The following PTAFR variants were observed in gnomAD, a reference collection of about 807,000 sequenced individuals.
PTAFR encodes platelet-activating factor receptor.
Under a neutral mutation model 14.7 loss-of-function variants are expected in PTAFR, and 8 were observed. The observed-to-expected ratio is 0.54, with a 90% confidence interval of 0.32 to 0.98. The LOEUF (loss-of-function observed/expected upper bound fraction) is 0.98. PTAFR is among the 50% of genes least tolerant of loss of function. PTAFR has a pLI of 0.04. For synonymous variants in PTAFR, 156 were observed against 176.5 expected (o/e 0.88, Z 0.92); for missense variants, 337 against 451.2 (o/e 0.75, Z 2.29).
At chr1:28,167,637 T>TA (rs1646400749) in intron 1 of PTAFR, among the ~76,000 whole-genome samples, 1 of 125,126 alleles carries the variant, frequency 8.0e-6, no homozygotes, top group African/African-American at 3.3e-5. Flanking sequence ...AACGGGATTT[T>TA]TTTTTTTTTT....
chr1:28,181,612 C>T (rs1259690171), upstream of PTAFR, among the ~76,000 whole-genome samples: 1 of 152,058 alleles, frequency 6.6e-6, no homozygotes, highest in Non-Finnish European at 1.5e-5. Context: ...CATAGTGGTG[C>T]ATGCCTGTAA....
Position 28,147,907 on chromosome 1 carries a change from G to A in PTAFR, c.*2086C>T, listed in dbSNP as rs1484436651. The A allele has an allele frequency of 1.3e-5, 2 of 152,300 alleles. No homozygotes were observed. The highest frequency in any genetic ancestry group is 2.9e-5 in the Non-Finnish European group (2 of 68,096). The allele number at this position is 152,300 out of a possible 1,614,324, so 9.4% of individuals were successfully genotyped here. A position where few individuals can be genotyped will look rare whatever the true frequency, so the allele number is the denominator to read the frequency against. ...ATGACACAGCCAAGACTTGAACCAG[G>A]CTTGTGTGATGCTGCACTAGCCACC... is the stretch of plus-strand genomic sequence containing the variant. On this transcript the variant is annotated 3_prime_UTR_variant, in exon 2 of 2. Coordinates refer to ENST00000373857, the MANE Select transcript of PTAFR (RefSeq NM_000952.5).
intron 1 of PTAFR, among the ~76,000 whole-genome samples, chr1:28,193,530 G>GA (rs1646673765): frequency 6.6e-6 from 1 of 152,020 alleles, no homozygotes; most frequent in Admixed American, 6.6e-5. Context: ...CCTGAGGGGT[G>GA]AGAGGATTGT....
In PTAFR at chr1:28,150,532, T is replaced by C. The variant is rs2148992014; in HGVS notation, c.490A>G (p.Ser164Gly). 1 of 1,614,212 alleles carries C rather than the reference T, an allele frequency of 6.2e-7. No individual in the cohort carries two copies. The highest frequency in any genetic ancestry group is 8.5e-7 in the Non-Finnish European group (1 of 1,180,038). The part of the protein sequence containing the change: ...ILDSTNTVPD[S>G]AGSGNVTRCF... ...CGAGTGACGTTGCCTGAGCCAGCAC[T>C]GTCGGGCACTGTGTTGGTGGAGTCC... Residue 164 changes from serine to glycine, a missense_variant, in exon 2 of 2, where the codon AGT becomes GGT. Ser to Gly is a moderately conservative substitution (Grantham distance 56). Coordinates refer to ENST00000373857, the MANE Select transcript of PTAFR (RefSeq NM_000952.5). The surrounding 1 kb of genome is among the most constrained non-coding windows in gnomAD (Gnocchi z 6.3).
intron 1 of PTAFR, among the ~76,000 whole-genome samples, chr1:28,170,973 C>G (rs993768168): frequency 8.6e-5 from 13 of 151,892 alleles, no homozygotes; most frequent in Non-Finnish European, 1.9e-4. Context: ...GCACTCCAGC[C>G]TGGGCAACAG....
intron 1 of PTAFR, among the ~76,000 whole-genome samples, chr1:28,186,478 T>C (rs945064891): frequency 6.6e-6 from 1 of 152,338 alleles, no homozygotes; most frequent in South Asian, 2.1e-4. Flanking sequence ...CCAGAAAATT[T>C]ATAGGCTAAT....
intron 1 of PTAFR, among the ~76,000 whole-genome samples, chr1:28,182,963 G>A (rs774604605): frequency 2.0e-5 from 3 of 152,288 alleles, no homozygotes; most frequent in East Asian, 1.9e-4. Context: ...TTACAGGTGC[G>A]AGCCACCAGG....
rs763473206 is a variant in PTAFR, at chr1:28,150,337, G to A, written c.685C>T (p.Arg229Trp). ...QQQRNAEVKR[R>W]ALWMVCTVLA... Reference sequence around the variant, plus strand: ...ACCGTGCACACCATCCACAGCGCCCGGCGCTTGACTTCAGCGTTGCGCTGC... The same window carrying A: ...ACCGTGCACACCATCCACAGCGCCCAGCGCTTGACTTCAGCGTTGCGCTGC... Residue 229 changes from arginine (R) to tryptophan (W), a missense_variant, in exon 2 of 2, where the codon CGG (arginine) becomes TGG (tryptophan). Physicochemically the swap from Arg to Trp is moderately radical, Grantham distance 101. Coordinates refer to ENST00000373857, the MANE Select transcript of PTAFR (RefSeq NM_000952.5). The surrounding 1 kb of genome is among the most constrained non-coding windows in gnomAD (Gnocchi z 6.3). The A allele has an allele frequency of 2.0e-5, 32 of 1,613,946 alleles. No homozygotes were observed. The highest frequency in any genetic ancestry group is 2.1e-5 in the Non-Finnish European group (25 of 1,179,964).
intron 1 of PTAFR, among the ~76,000 whole-genome samples, chr1:28,193,545 T>C (rs1646673916): frequency 6.6e-6 from 1 of 151,974 alleles, no homozygotes; most frequent in African/African-American, 2.4e-5. Context: ...GATTGTGCTG[T>C]GTCTGTGGGC....
At position 28,150,853 on chromosome 1, in the gene PTAFR, C is replaced by A; in HGVS notation, c.169G>T (p.Val57Leu). 3.1e-6 allele frequency: 5 copies of A among 1,614,112 alleles called. No homozygotes were observed. Among genetic ancestry groups the A allele is most frequent in the Admixed American group, 1.7e-5 (1 of 60,002 alleles). The change falls in exon 2 of 2, where the codon GTG (valine) becomes TTG (leucine). Residue 57 changes from valine (V) to leucine (L), a missense_variant. By Grantham distance (32) the Val-to-Leu change is conservative (BLOSUM62 1). Transcript: ENST00000373857. The surrounding 1 kb of genome is among the most constrained non-coding windows in gnomAD (Gnocchi z 6.3). The stretch of plus-strand genomic sequence containing the variant: ...AGCATGTCCGCCATGGTGAGGTTCA[C>A]CATGAAGATCTTTATCTCATTGAAT... ...KKFNEIKIFM[V>L]NLTMADMLFL...
intron 1 of PTAFR, among the ~76,000 whole-genome samples, chr1:28,159,471 G>A (rs1172977801): frequency 6.6e-6 from 1 of 152,214 alleles, no homozygotes; most frequent in African/African-American, 2.4e-5. Flanking sequence ...TGATCACAGG[G>A]AGAGCAGTTG....
At chr1:28,188,729 T>TA (rs1013350206) in intron 1 of PTAFR, among the ~76,000 whole-genome samples, 2 of 149,720 alleles carry the variant, frequency 1.3e-5, no homozygotes, top group African/African-American at 4.9e-5. Context: ...AAACTCCATC[T>TA]AAAAAAAAAC....
chr1:28,166,098 A>C lies in PTAFR; in HGVS notation c.-39+10494T>G, dbSNP rs112197557. On this transcript the variant is annotated intron_variant, in intron 1 of 1. Coordinates refer to ENST00000373857, the MANE Select transcript of PTAFR (RefSeq NM_000952.5). The stretch of plus-strand genomic sequence containing the variant: ...AATAATCAAAATGGTTTGGACTGGC[A>C]TAAAGACAGACACATAGATCAATGG... 1.6e-4 allele frequency among the ~76,000 whole-genome samples: 25 copies of C among 152,352 alleles called. 1 individual carries two copies. Among genetic ancestry groups the C allele is most frequent in the African/African-American group, 6.0e-4 (25 of 41,590 alleles).
intron 1 of PTAFR, among the ~76,000 whole-genome samples, chr1:28,169,558 T>G (rs574300110): frequency 6.6e-6 from 1 of 152,292 alleles, no homozygotes; most frequent in South Asian, 2.1e-4. Context: ...TGGGTTCAGA[T>G]CTTACCTCTC....
chr1:28,166,205 G>C (rs922636176), intron 1 of PTAFR, among the ~76,000 whole-genome samples: 4 of 152,230 alleles, frequency 2.6e-5, no homozygotes, highest in Admixed American at 6.5e-5. Context: ...TACACAATGG[G>C]GAAAGAATAG....
At chr1:28,166,225 C>T (rs1028662250) in intron 1 of PTAFR, among the ~76,000 whole-genome samples, 7 of 152,082 alleles carry the variant, frequency 4.6e-5, no homozygotes, top group Admixed American at 2.0e-4. Flanking sequence ...GTCCCTTCAA[C>T]GAAAAGTGCT....
At chr1:28,181,079 C>T (rs775761732), upstream of PTAFR, among the ~76,000 whole-genome samples, 1 of 152,114 alleles carries the variant, frequency 6.6e-6, no homozygotes, top group Non-Finnish European at 1.5e-5. Context: ...AACCCCTGAC[C>T]TGAAGCAATC....
intron 1 of PTAFR, among the ~76,000 whole-genome samples, chr1:28,184,920 G>A (rs1380286147): frequency 1.3e-5 from 2 of 151,768 alleles, no homozygotes; most frequent in African/African-American, 2.4e-5. Flanking sequence ...GATTACAGGC[G>A]TAAGCCACCA....
intron 1 of PTAFR, among the ~76,000 whole-genome samples, chr1:28,166,937 A>T (rs922787233): frequency 1.3e-5 from 2 of 152,152 alleles, no homozygotes; most frequent in Non-Finnish European, 2.9e-5. Context: ...TGATCATGCC[A>T]CTGTACTCCA....
Sources: gnomAD v4.1 joint callset for allele counts (sites outside exome capture counted in the v4.1 genomes callset) on GRCh38, gnomAD v4.1.1 for gene constraint, Gnocchi (gnomAD v3.1) non-coding constraint, MANE v1.5 for transcripts, NCBI Gene and HGNC (gene_info 2026-07-23, HGNC 2026-07-21) for gene names.